CLU: variants seen among roughly 807,000 people sequenced by gnomAD.
CLU encodes the protein clusterin, also known as aging-associated protein 4.
CLU carries 25 observed loss-of-function variants against 46.4 expected under a neutral mutation model. The ratio of observed to expected loss-of-function variants is 0.54; its 90% CI spans 0.39 to 0.75. CLU has a LOEUF of 0.75. Among genes scored for constraint, CLU ranks in the 30% least tolerant of loss-of-function variants. The pLI is 0.00. For synonymous variants in CLU, 235 were observed against 235.1 expected (o/e 1.00, Z 0.00); for missense variants, 504 against 592.1 (o/e 0.85, Z 1.54).
At chr8:27,601,212 G>A (rs1365631326) in intron 6 of CLU, among the ~76,000 whole-genome samples, 1 of 152,166 alleles carries the variant, frequency 6.6e-6, no homozygotes, top group African/African-American at 2.4e-5. Context: ...CCACCCCCGG[G>A]TGATTTTTTT....
At chr8:27,611,858 C>A in intron 1 of CLU, 4 of 430,154 alleles carry the variant, frequency 9.3e-6, no homozygotes, top group South Asian at 6.6e-5. Context: ...ACGGGCTCTG[C>A]CCCAGCTGCC....
intron 4 of CLU, among the ~76,000 whole-genome samples, chr8:27,605,631 C>G (rs1196451708): frequency 1.3e-5 from 2 of 152,250 alleles, no homozygotes; most frequent in Admixed American, 6.5e-5. Context: ...TGATATCCAC[C>G]CCCGCTCGGC....
intron 6 of CLU, among the ~76,000 whole-genome samples, chr8:27,601,802 A>T (rs369085622): frequency 9.2e-5 from 14 of 152,212 alleles, no homozygotes; most frequent in Non-Finnish European, 1.2e-4. Context: ...CCAAAAAAAA[A>T]TTTAAAAATA....
intron 4 of CLU, among the ~76,000 whole-genome samples, chr8:27,605,646 G>A (rs914183960): frequency 2.6e-5 from 4 of 152,212 alleles, no homozygotes; most frequent in Admixed American, 2.6e-4. Context: ...CTCGGCTAAG[G>A]GCCAACTGAT....
chr8:27,609,144 C>T, intron 2 of CLU, 58 bp from the exon 3 acceptor site: 2 of 1,584,222 alleles, frequency 1.3e-6, no homozygotes, highest in Non-Finnish European at 1.7e-6. Flanking sequence ...CCTCAGGACC[C>T]TGGAATGAGC....
At chr8:27,614,490 T>G (rs1289293954) in intron 1 of CLU, 165 bp downstream of exon 1, 1 of 352,796 alleles carries the variant, frequency 2.8e-6, no homozygotes, top group Non-Finnish European at 5.5e-6. Flanking sequence ...TGCCTGGTGA[T>G]GGGGCTCCGG....
intron 6 of CLU, among the ~76,000 whole-genome samples, chr8:27,600,924 T>G (rs1289183152): frequency 6.6e-6 from 1 of 152,194 alleles, no homozygotes; most frequent in Non-Finnish European, 1.5e-5. Context: ...CCCACAGAAG[T>G]ATCAATAAAT....
intron 4 of CLU, among the ~76,000 whole-genome samples, chr8:27,606,057 C>A (rs1275908039): frequency 2.6e-5 from 4 of 151,862 alleles, no homozygotes; most frequent in South Asian, 2.1e-4. Context: ...AAAAAAAATT[C>A]TTAAATCCTT....
intron 2 of CLU, among the ~76,000 whole-genome samples, chr8:27,609,445 A>G (rs1448502330): frequency 2.0e-5 from 3 of 152,102 alleles, no homozygotes; most frequent in Admixed American, 2.0e-4. Context: ...AATATAAAAT[A>G]TTGTTATTTT....
At chr8:27,613,335 G>A (rs540317117) in intron 1 of CLU, among the ~76,000 whole-genome samples, 10 of 151,190 alleles carry the variant, frequency 6.6e-5, no homozygotes, top group African/African-American at 2.2e-4. Flanking sequence ...GCAGTGAGCC[G>A]AGATGGCGCT....
At position 27,598,552 on chromosome 8, in the gene CLU, A is replaced by C; in HGVS notation, c.1248T>G (p.Thr416=). 6.2e-7 allele frequency: 1 copy of C among 1,614,164 alleles called. No homozygotes were observed. The highest frequency in any genetic ancestry group is 1.3e-5 in the African/African-American group (1 of 75,050). The change falls in exon 8 of 9, where the codon ACT becomes ACG. Residue 416 remains threonine, a synonymous_variant. Coordinates refer to ENST00000316403, the MANE Select transcript of CLU (RefSeq NM_001831.4). ...VVKLFDSDPI[T]VTVPVEVSRK... is the part of the protein sequence containing the mutation. ...TGGAGACTTCTACAGGGACCGTCAC[A>C]GTGATGGGATCAGAGTCAAAGAGCT... is the stretch of plus-strand genomic sequence containing the variant.
intron 3 of CLU, among the ~76,000 whole-genome samples, chr8:27,608,178 C>T (rs1395524525): frequency 2.6e-5 from 4 of 151,806 alleles, no homozygotes; most frequent in Non-Finnish European, 4.4e-5. Context: ...GTGCTCAAAG[C>T]GGCCAGGAAA....
At chr8:27,610,018 C>T (rs1468443882) in intron 2 of CLU, among the ~76,000 whole-genome samples, 1 of 152,002 alleles carries the variant, frequency 6.6e-6, no homozygotes, top group Non-Finnish European at 1.5e-5. Context: ...CCAAAGTCAC[C>T]CAGCTGAGAA....
chr8:27,611,056 C>T, intron 1 of CLU: 2 of 392,446 alleles, frequency 5.1e-6, no homozygotes, highest in South Asian at 1.9e-5. Flanking sequence ...AGACCAGCCA[C>T]GTCCTCTGCA....
Position 27,604,087 on chromosome 8 carries a change from C to T in CLU, c.934+204G>A. 4 of 601,524 alleles carry T rather than the reference C, an allele frequency of 6.6e-6. No individual in the cohort carries two copies. In the South Asian group the frequency reaches 7.5e-5, roughly 11 times the overall value. 37.3% of individuals were successfully genotyped at this position (601,524 alleles called of 1,614,324 possible). On this transcript the variant is annotated intron_variant, in intron 6 of 8. Coordinates refer to ENST00000316403, the MANE Select transcript of CLU (RefSeq NM_001831.4). Reference sequence around the variant, plus strand: ...GACATCTCACCGACTTCAGGGACAGCCTCGCATCATCATCTCATTCTAAGA... The same window carrying T: ...GACATCTCACCGACTTCAGGGACAGTCTCGCATCATCATCTCATTCTAAGA...
Position 27,599,712 on chromosome 8 carries a change from C to A in CLU, c.1164+68G>T, listed in dbSNP as rs962616524. ...TGTGATAAATGCTCAGTCAAAAGCACACATGCCCCTGCTCCCGATCACAGC... is the reference window on the plus strand; with the variant it reads ...TGTGATAAATGCTCAGTCAAAAGCAAACATGCCCCTGCTCCCGATCACAGC... On this transcript the variant is annotated intron_variant, in intron 7 of 8. Transcript: ENST00000316403. This position sits in a 1 kb window ranked among gnomAD's most constrained non-coding sequence, Gnocchi z 4.0. The A allele has an allele frequency of 4.7e-5, 56 of 1,202,828 alleles. 1 individual carries two copies. In the African/African-American group the frequency reaches 7.3e-4, roughly 16 times the overall value. The allele number at this position is 1,202,828 out of a possible 1,614,324, so 74.5% of individuals were successfully genotyped here. A position where few individuals can be genotyped will look rare whatever the true frequency, so the allele number is the denominator to read the frequency against.
rs1800664970 is a variant in CLU, at chr8:27,598,836, G to C, written c.1165-201C>G. 3 of 607,420 alleles carry C rather than the reference G, an allele frequency of 4.9e-6. No individual in the cohort carries two copies. In the Admixed American group the frequency reaches 8.2e-5, roughly 17 times the overall value. The allele number at this position is 607,420 out of a possible 1,614,324, so 37.6% of individuals were successfully genotyped here. On this transcript the variant is annotated intron_variant, in intron 7 of 8. Transcript: ENST00000316403. Reference sequence around the variant, plus strand: ...GGACCTGGTTCACAGACACTCATGTGTTGGGGCAAATGTCATCTGCAAATG... The same window carrying C: ...GGACCTGGTTCACAGACACTCATGTCTTGGGGCAAATGTCATCTGCAAATG...
chr8:27,612,365 C>A (rs551634059), intron 1 of CLU, among the ~76,000 whole-genome samples: 1 of 152,310 alleles, frequency 6.6e-6, no homozygotes, highest in South Asian at 2.1e-4. Flanking sequence ...TAATCCAGAC[C>A]TCAGAGAGGG....
Position 27,598,149 on chromosome 8 carries a change from T to G in CLU, c.*92A>C. Reference sequence around the variant, plus strand: ...TGGAGGCTGGGGCCTGGTTACTTGGTGACGTGCAGAGCTCTCTCTGGGGGG... The same window carrying G: ...TGGAGGCTGGGGCCTGGTTACTTGGGGACGTGCAGAGCTCTCTCTGGGGGG... On this transcript the variant is annotated 3_prime_UTR_variant, in exon 9 of 9. Transcript: ENST00000316403. 7.4e-7 allele frequency: 1 copy of G among 1,359,750 alleles called. No individual in the cohort carries two copies. The highest frequency in any genetic ancestry group is 1.0e-6 in the Non-Finnish European group (1 of 956,576). The allele number at this position is 1,359,750 out of a possible 1,614,324, so 84.2% of individuals were successfully genotyped here.
Sources: allele counts gnomAD v4.1 joint callset (sites outside exome capture counted in the v4.1 genomes callset), GRCh38; gene constraint gnomAD v4.1.1; non-coding constraint Gnocchi (gnomAD v3.1); transcripts MANE v1.5; gene names NCBI Gene and HGNC (gene_info 2026-07-23, HGNC 2026-07-21).